Variants in ZNF423 observed in about 807,000 individuals in gnomAD.
ZNF423 encodes zinc finger protein 423.
A neutral mutation model predicts 95.8 loss-of-function variants in ZNF423; 12 were observed. The observed-to-expected ratio is 0.13, with a 90% CI of 0.08 to 0.20. ZNF423 has a LOEUF of 0.20. Among genes scored for constraint, ZNF423 ranks in the 10% least tolerant of loss-of-function variants. The pLI, the probability that ZNF423 is intolerant of heterozygous loss-of-function variation, is 1.00. For synonymous variants in ZNF423, 749 were observed against 711.9 expected, an observed-to-expected ratio of 1.05 and a Z score of -0.83; for missense variants, 1,316 against 1,737.1, an observed-to-expected ratio of 0.76 and a Z score of 4.31.
At chr16:49,778,380 G>C (rs1169939933) in intron 2 of ZNF423, among the ~76,000 whole-genome samples, 1 of 152,234 alleles carries the variant, frequency 6.6e-6, no homozygotes, top group Non-Finnish European at 1.5e-5. Flanking sequence ...CACACGCCAG[G>C]TGGTGTGGTC....
At chr16:49,719,625 T>A (rs1221797181) in intron 3 of ZNF423, among the ~76,000 whole-genome samples, 1 of 152,074 alleles carries the variant, frequency 6.6e-6, no homozygotes, top group Non-Finnish European at 1.5e-5. Context: ...TCTCACAAGA[T>A]GTGGTTGTTT....
intron 2 of ZNF423, among the ~76,000 whole-genome samples, chr16:49,781,961 C>T (rs1443697796): frequency 7.2e-5 from 11 of 152,246 alleles, no homozygotes; most frequent in Admixed American, 6.5e-4. Context: ...GCCCCATGCC[C>T]AACACCCAGA....
intron 6 of ZNF423, among the ~76,000 whole-genome samples, chr16:49,524,779 A>C (rs1875964471): frequency 6.6e-6 from 1 of 152,162 alleles, no homozygotes; most frequent in African/African-American, 2.4e-5. Flanking sequence ...TCTCCCACGC[A>C]CACCGGCTGC....
At chr16:49,716,456 C>G (rs1016470179) in intron 3 of ZNF423, among the ~76,000 whole-genome samples, 3 of 152,156 alleles carry the variant, frequency 2.0e-5, no homozygotes, top group African/African-American at 7.2e-5. Flanking sequence ...TCAGTCTTCC[C>G]ACATGCACCC....
At chr16:49,529,023 C>G (rs574338588) in intron 5 of ZNF423, among the ~76,000 whole-genome samples, 4 of 152,002 alleles carry the variant, frequency 2.6e-5, no homozygotes, top group African/African-American at 9.6e-5. Flanking sequence ...CACCTTGGAG[C>G]AGAATGACAA....
At chr16:49,827,250 C>T (rs1482184961) in intron 1 of ZNF423, among the ~76,000 whole-genome samples, 2 of 152,144 alleles carry the variant, frequency 1.3e-5, no homozygotes, top group African/African-American at 2.4e-5. Context: ...AGCAGGCCCC[C>T]GCCTCATCCC....
chr16:49,671,589 T>C (rs113438446), intron 3 of ZNF423, among the ~76,000 whole-genome samples: 8,197 of 152,314 alleles, frequency 0.054, 318 homozygotes, highest in Middle Eastern at 0.11. Flanking sequence ...AATCCGGCAG[T>C]GCTGCTCTGT....
At chr16:49,802,680 C>T (rs66850918) in intron 1 of ZNF423, among the ~76,000 whole-genome samples, 1 of 151,970 alleles carries the variant, frequency 6.6e-6, no homozygotes, top group South Asian at 2.1e-4. Flanking sequence ...CTAGGCTTTG[C>T]CCCTATGTTC....
chr16:49,548,026 T>C (rs1268667419), intron 5 of ZNF423, among the ~76,000 whole-genome samples: 1 of 152,180 alleles, frequency 6.6e-6, no homozygotes, highest in Non-Finnish European at 1.5e-5. Flanking sequence ...ATCATTGCCA[T>C]GGAAAATGTA....
At chr16:49,832,016 T>C (rs1202279971) in intron 1 of ZNF423, among the ~76,000 whole-genome samples, 1 of 150,928 alleles carries the variant, frequency 6.6e-6, no homozygotes, top group African/African-American at 2.4e-5. Context: ...CCAGTATTCA[T>C]CAGTTTCACC....
rs184406934 is a variant in ZNF423, at chr16:49,634,966, T to C, written c.3516+694A>G. ...CTTGGCTCCCAGGCACCTCCAAACATAATGGGTGCTTTGATGAACAGGGAA... is the reference window on the plus strand; with the variant it reads ...CTTGGCTCCCAGGCACCTCCAAACACAATGGGTGCTTTGATGAACAGGGAA... On this transcript the variant is annotated intron_variant, in intron 4 of 7. Transcript: ENST00000563137. Among the ~76,000 whole-genome samples, 326 of 152,260 alleles carry C rather than the reference T, an allele frequency of 2.1e-3. 1 individual carries two copies. Among genetic ancestry groups the C allele is most frequent in the African/African-American group, 7.5e-3 (313 of 41,540 alleles).
chr16:49,685,901 C>T (rs546459457), intron 3 of ZNF423, among the ~76,000 whole-genome samples: 1 of 152,202 alleles, frequency 6.6e-6, no homozygotes, highest in Non-Finnish European at 1.5e-5. Flanking sequence ...ATGCTGCCTA[C>T]CACCAATCCC....
chr16:49,812,141 T>C (rs2034763569), intron 1 of ZNF423, among the ~76,000 whole-genome samples: 1 of 152,238 alleles, frequency 6.6e-6, no homozygotes, highest in African/African-American at 2.4e-5. Context: ...ACCATCCTCA[T>C]TGCACAGGCA....
At chr16:49,703,497 C>T (rs1388948767) in intron 3 of ZNF423, among the ~76,000 whole-genome samples, 2 of 152,220 alleles carry the variant, frequency 1.3e-5, no homozygotes, top group Admixed American at 1.3e-4. Context: ...GAATCCTATC[C>T]TCAACCTGGT....
intron 5 of ZNF423, among the ~76,000 whole-genome samples, chr16:49,578,577 CCT>C (rs1233668276): frequency 6.6e-6 from 1 of 152,182 alleles, no homozygotes. Context: ...CGCCTCTCGC[CCT>C]CTCCTTCTCT....
intron 1 of ZNF423, among the ~76,000 whole-genome samples, chr16:49,840,817 T>C (rs556333704): frequency 2.0e-5 from 3 of 152,278 alleles, no homozygotes; most frequent in Non-Finnish European, 4.4e-5. Flanking sequence ...TGCACACTTA[T>C]GTGCACATAC....
intron 3 of ZNF423, among the ~76,000 whole-genome samples, chr16:49,683,455 C>T (rs890114564): frequency 1.3e-5 from 2 of 152,182 alleles, no homozygotes; most frequent in Non-Finnish European, 2.9e-5. Context: ...GACCAACCCT[C>T]ATCTCTAGAC....
chr16:49,518,909 A>T (rs905187674), intron 7 of ZNF423, among the ~76,000 whole-genome samples: 2 of 152,160 alleles, frequency 1.3e-5, no homozygotes, highest in Non-Finnish European at 2.9e-5. Context: ...AGTTAAAATT[A>T]AAAAATTAGC....
intron 1 of ZNF423, chr16:49,854,329 G>A: frequency 1.0e-6 from 1 of 985,412 alleles, no homozygotes; most frequent in Non-Finnish European, 1.2e-6. Context: ...GCTGGGCCGG[G>A]GGCAGTCCCT....
Sources: gnomAD v4.1 joint callset for allele counts (sites outside exome capture counted in the v4.1 genomes callset) on GRCh38, gnomAD v4.1.1 for gene constraint, MANE v1.5 for transcripts, NCBI Gene and HGNC (gene_info 2026-07-23, HGNC 2026-07-21) for gene names.